Variants in TMCO6 observed in about 807,000 individuals in gnomAD.
TMCO6 encodes the protein transmembrane and coiled-coil domain-containing protein 6.
A neutral mutation model predicts 61.8 loss-of-function variants in TMCO6; 47 were observed. The ratio of observed to expected loss-of-function variants is 0.76; its 90% CI spans 0.60 to 0.97. The LOEUF is 0.97. TMCO6 is among the 50% of genes least tolerant of loss of function. TMCO6 has a pLI of 0.00. For synonymous variants in TMCO6, 261 were observed against 254.2 expected (o/e 1.03, Z -0.25); for missense variants, 557 against 601.6 (o/e 0.93, Z 0.78).
upstream of TMCO6, among the ~76,000 whole-genome samples, chr5:140,634,556 G>A (rs1756720379): frequency 6.8e-6 from 1 of 146,566 alleles, no homozygotes; most frequent in Non-Finnish European, 1.5e-5. Flanking sequence ...CGTGATCTTG[G>A]CTCACTGCAA....
At chr5:140,642,275 G>T in intron 4 of TMCO6, 40 bp from the exon 5 acceptor site, 1 of 1,553,812 alleles carries the variant, frequency 6.4e-7, no homozygotes, top group South Asian at 1.2e-5. Flanking sequence ...AGCCTGGCAT[G>T]AAACAGGCCA....
the TMCO6 span, chr5:140,632,476 G>A: frequency 6.2e-7 from 1 of 1,614,156 alleles, no homozygotes; most frequent in South Asian, 1.1e-5. This position sits in a 1 kb window ranked among gnomAD's most constrained non-coding sequence, Gnocchi z 6.2. Context: ...TTGAGGCCTG[G>A]CTTGAGCCAC....
the TMCO6 span, among the ~76,000 whole-genome samples, chr5:140,620,774 G>A: frequency 6.6e-6 from 1 of 152,204 alleles, no homozygotes; most frequent in Non-Finnish European, 1.5e-5. Flanking sequence ...ACTTTGGGAG[G>A]CCAAGGCAGG....
Position 140,645,050 on chromosome 5 carries a change from G to T in TMCO6, c.1434G>T (p.Gln478His). 6.2e-7 allele frequency: 1 copy of T among 1,614,222 alleles called. No individual in the cohort carries two copies. Among genetic ancestry groups the T allele is most frequent in the Non-Finnish European group, 8.5e-7 (1 of 1,180,036 alleles). The change falls in exon 12 of 12, where the codon CAG (glutamine) becomes CAT (histidine). Residue 478 changes from glutamine to histidine, a missense_variant. Physicochemically the swap from Gln to His is conservative, Grantham distance 24. Coordinates refer to ENST00000394671, the MANE Select transcript of TMCO6 (RefSeq NM_018502.5). ...QALERHQEEA[Q>H]LQDRVYALQQ... Reference sequence around the variant, plus strand: ...TGGAAAGGCATCAGGAAGAGGCCCAGCTCCAGGATCGTGTGTATGCTCTCC... The same window carrying T: ...TGGAAAGGCATCAGGAAGAGGCCCATCTCCAGGATCGTGTGTATGCTCTCC...
At chr5:140,599,964 C>T in the TMCO6 span, among the ~76,000 whole-genome samples, 1 of 151,638 alleles carries the variant, frequency 6.6e-6, no homozygotes, top group African/African-American at 2.4e-5. Context: ...CTGGCAGCTC[C>T]TCAGGTGGTT....
At chr5:140,600,018 TG>T in the TMCO6 span, among the ~76,000 whole-genome samples, 1 of 152,102 alleles carries the variant, frequency 6.6e-6, no homozygotes, top group African/African-American at 2.4e-5. Flanking sequence ...CTTGGAAATA[TG>T]GTATCTCCTG....
At chr5:140,624,318 C>T in the TMCO6 span, among the ~76,000 whole-genome samples, 2 of 151,072 alleles carry the variant, frequency 1.3e-5, no homozygotes, top group African/African-American at 4.9e-5. Flanking sequence ...GAGCCGAGAT[C>T]ACACCTTTGC....
the TMCO6 span, among the ~76,000 whole-genome samples, chr5:140,600,360 G>C: frequency 6.6e-6 from 1 of 152,006 alleles, no homozygotes; most frequent in Non-Finnish European, 1.5e-5. Flanking sequence ...TGGCACTTCA[G>C]CTTCTATTTT....
intron 2 of TMCO6, chr5:140,640,930 A>G (rs1372523689): frequency 6.5e-6 from 1 of 152,904 alleles, no homozygotes; most frequent in Admixed American, 6.5e-5. Flanking sequence ...GTTTACGTAC[A>G]TAGTTTACCG....
chr5:140,633,126 G>C, the TMCO6 span: 1 of 1,611,622 alleles, frequency 6.2e-7, no homozygotes, highest in Non-Finnish European at 8.5e-7. Context: ...AAGTGCTTTA[G>C]CTTCTTTCCT....
chr5:140,610,120 G>A, the TMCO6 span, among the ~76,000 whole-genome samples: 3 of 150,550 alleles, frequency 2.0e-5, no homozygotes, highest in East Asian at 5.9e-4. Flanking sequence ...AGGCTGAGGT[G>A]GGCGGATTGC....
At chr5:140,621,079 C>A in the TMCO6 span, among the ~76,000 whole-genome samples, 1 of 152,158 alleles carries the variant, frequency 6.6e-6, no homozygotes, top group Non-Finnish European at 1.5e-5. Context: ...AGCAATTTCA[C>A]TCTGAATATA....
the TMCO6 span, among the ~76,000 whole-genome samples, chr5:140,602,416 C>A: frequency 3.3e-5 from 5 of 152,236 alleles, no homozygotes; most frequent in East Asian, 9.6e-4. Context: ...AGTTTCATTT[C>A]GTCTTTTTGA....
chr5:140,642,738 CTGAA>C, intron 6 of TMCO6, 67 bp downstream of exon 6: 3 of 1,587,412 alleles, frequency 1.9e-6, no homozygotes, highest in Non-Finnish European at 2.6e-6. Context: ...TCCCGGATGC[CTGAA>C]TGATTTCCAA....
chr5:140,599,984 A>T, the TMCO6 span, among the ~76,000 whole-genome samples: 1 of 152,108 alleles, frequency 6.6e-6, no homozygotes, highest in Non-Finnish European at 1.5e-5. Flanking sequence ...TCAAAAGTCA[A>T]TTCTAGGGGA....
the TMCO6 span, among the ~76,000 whole-genome samples, chr5:140,627,837 A>C: frequency 6.6e-6 from 1 of 151,546 alleles, no homozygotes; most frequent in African/African-American, 2.4e-5. Context: ...CAGAGGTTGC[A>C]GTGAGTCAAG....
chr5:140,615,951 C>T, the TMCO6 span, among the ~76,000 whole-genome samples: 2 of 151,698 alleles, frequency 1.3e-5, no homozygotes, highest in African/African-American at 4.8e-5. Context: ...GCCAACATGG[C>T]GAAACCCTGT....
intron 8 of TMCO6, 34 bp downstream of exon 8, chr5:140,643,709 T>A: frequency 4.4e-6 from 7 of 1,604,640 alleles, no homozygotes; most frequent in Non-Finnish European, 6.0e-6. Context: ...TTCTGGGAGA[T>A]GTTTCTTGAT....
rs1757134438 is a variant in TMCO6 at position 140,642,942 on chromosome 5, C to T, written c.707C>T (p.Thr236Ile). Residue 236 changes from threonine to isoleucine, a missense_variant, in exon 7 of 12, where the codon ACT becomes ATT. Transcript: ENST00000394671. ...GCCAGCAGCTCCATCTTGGCCTCCA[C>T]TCTCCCTCAGCACATGCTACAAATG... is the stretch of plus-strand genomic sequence containing the variant. ...EKIIPSILAS[T>I]LPQHMLQMLQ... 1 of 1,614,108 alleles carries T rather than the reference C, an allele frequency of 6.2e-7. No homozygotes were observed. The highest frequency in any genetic ancestry group is 8.5e-7 in the Non-Finnish European group (1 of 1,180,052).
Sources: allele counts gnomAD v4.1 joint callset (sites outside exome capture counted in the v4.1 genomes callset), GRCh38; gene constraint gnomAD v4.1.1; non-coding constraint Gnocchi (gnomAD v3.1); transcripts MANE v1.5; gene names NCBI Gene and HGNC (gene_info 2026-07-23, HGNC 2026-07-21).